ADAMTSL1: variants seen among roughly 807,000 people sequenced by gnomAD.
ADAMTSL1 encodes ADAMTS like 1, also known as ADAMTS-like protein 1.
ADAMTSL1 carries 126 observed loss-of-function variants against 201.8 expected under a neutral mutation model. The ratio of observed to expected loss-of-function variants is 0.62; its 90% CI spans 0.54 to 0.72. ADAMTSL1 has a LOEUF of 0.72. Ranked by LOEUF, ADAMTSL1 falls within the 30% of genes least tolerant of loss-of-function variation. ADAMTSL1 has a pLI of 0.00. For missense variants in ADAMTSL1, 2,679 were observed against 2,277.8 expected (o/e 1.18, Z -3.59); for synonymous variants, 1,121 against 903.4 (o/e 1.24, Z -4.32).
At chr9:18,431,591 A>G (rs1366696642) in intron 2 of ADAMTSL1, among the ~76,000 whole-genome samples, 1 of 152,154 alleles carries the variant, frequency 6.6e-6, no homozygotes, top group African/African-American at 2.4e-5. Flanking sequence ...TCAAAGCTGG[A>G]ATCCTCTTTG....
intron 15 of ADAMTSL1, among the ~76,000 whole-genome samples, chr9:18,728,744 C>T (rs1818047197): frequency 5.3e-5 from 8 of 152,250 alleles, no homozygotes; most frequent in Middle Eastern, 6.8e-3. Flanking sequence ...AGAAGGAAAA[C>T]CATGAGCACA....
chr9:18,298,457 C>A (rs1185081029), intron 2 of ADAMTSL1, among the ~76,000 whole-genome samples: 1 of 152,152 alleles, frequency 6.6e-6, no homozygotes, highest in Non-Finnish European at 1.5e-5. Flanking sequence ...AAAGCACTGA[C>A]TGAATTTTGA....
At chr9:18,458,690 T>C (rs7032393) in intron 2 of ADAMTSL1, among the ~76,000 whole-genome samples, 54,002 of 152,040 alleles carry the variant, frequency 0.36, 11,270 homozygotes, top group East Asian at 0.55. Flanking sequence ...ATCCAGGCAG[T>C]GCTCAGTCAG....
intron 1 of ADAMTSL1, among the ~76,000 whole-genome samples, chr9:18,160,414 T>A (rs1587189819): frequency 6.6e-6 from 1 of 151,994 alleles, no homozygotes; most frequent in Non-Finnish European, 1.5e-5. Context: ...TGGCCCCTAA[T>A]CCTAACATAG....
chr9:17,931,704 A>G (rs1162163488), intron 1 of ADAMTSL1, among the ~76,000 whole-genome samples: 1 of 152,056 alleles, frequency 6.6e-6, no homozygotes, highest in East Asian at 1.9e-4. Context: ...CATTTATCAG[A>G]AAGTTGTGGC....
At chr9:18,286,244 C>T (rs187154915) in intron 2 of ADAMTSL1, among the ~76,000 whole-genome samples, 1 of 152,162 alleles carries the variant, frequency 6.6e-6, no homozygotes, top group East Asian at 1.9e-4. Flanking sequence ...AAACAGAAAC[C>T]TAGTTATGAT....
At chr9:18,377,067 T>C (rs946832900) in intron 2 of ADAMTSL1, among the ~76,000 whole-genome samples, 1 of 152,230 alleles carries the variant, frequency 6.6e-6, no homozygotes, top group East Asian at 1.9e-4. Context: ...GATAGAGTTT[T>C]CTTCAAATTT....
intron 1 of ADAMTSL1, among the ~76,000 whole-genome samples, chr9:18,017,564 G>A (rs7027669): frequency 0.48 from 73,564 of 151,686 alleles, 20,436 homozygotes; most frequent in African/African-American, 0.78. Context: ...ATTTGGCTCC[G>A]AAGCCATGTA....
intron 2 of ADAMTSL1, among the ~76,000 whole-genome samples, chr9:18,220,475 T>G (rs1830214637): frequency 6.6e-6 from 1 of 152,142 alleles, no homozygotes; most frequent in African/African-American, 2.4e-5. Context: ...TTTTTAAAAT[T>G]TTTCAATACC....
intron 1 of ADAMTSL1, among the ~76,000 whole-genome samples, chr9:18,133,492 A>G (rs1437021235): frequency 2.0e-5 from 3 of 152,192 alleles, no homozygotes; most frequent in Non-Finnish European, 4.4e-5. Context: ...TCTGACAACT[A>G]AGTATTAAAC....
intron 23 of ADAMTSL1, among the ~76,000 whole-genome samples, chr9:18,837,926 C>G (rs910083887): frequency 6.6e-6 from 1 of 152,170 alleles, no homozygotes; most frequent in Non-Finnish European, 1.5e-5. Context: ...AGGATCACAT[C>G]TTTCCTACTG....
chr9:17,955,753 T>C (rs1344512225), intron 1 of ADAMTSL1, among the ~76,000 whole-genome samples: 1 of 152,192 alleles, frequency 6.6e-6, no homozygotes, highest in Non-Finnish European at 1.5e-5. Context: ...ATTATAGTTG[T>C]TAATCTCTTA....
At chr9:18,348,210 T>C (rs182707650) in intron 2 of ADAMTSL1, among the ~76,000 whole-genome samples, 5 of 152,322 alleles carry the variant, frequency 3.3e-5, no homozygotes, top group Non-Finnish European at 7.4e-5. Flanking sequence ...GAACTTTTAG[T>C]TAACTTGGAT....
chr9:18,289,126 T>C (rs1471621641), intron 2 of ADAMTSL1, among the ~76,000 whole-genome samples: 1 of 148,314 alleles, frequency 6.7e-6, no homozygotes, highest in Non-Finnish European at 1.5e-5. Flanking sequence ...TTGGTGTATA[T>C]ATATGTCTGT....
At position 18,682,996 on chromosome 9, in the gene ADAMTSL1, A is replaced by G. The variant is rs545423447; in HGVS notation, c.1489+1037A>G. ...ATAACATAAACAGGGTGGTTAACCTAGTGCCTGCAATATAGTAACTTCTAC... is the reference window on the plus strand; with the variant it reads ...ATAACATAAACAGGGTGGTTAACCTGGTGCCTGCAATATAGTAACTTCTAC... On this transcript the variant is annotated intron_variant, in intron 12 of 28. Coordinates refer to ENST00000380548, the MANE Select transcript of ADAMTSL1 (RefSeq NM_001040272.6). Among the ~76,000 whole-genome samples, 68 of 152,338 alleles carry G rather than the reference A, an allele frequency of 4.5e-4. No individual in the cohort carries two copies. In the Middle Eastern group the frequency reaches 0.01, roughly 23 times the overall value.
intron 15 of ADAMTSL1, among the ~76,000 whole-genome samples, chr9:18,728,578 A>G (rs1564187391): frequency 6.6e-6 from 1 of 152,212 alleles, no homozygotes; most frequent in Non-Finnish European, 1.5e-5. Flanking sequence ...TAATAGATGA[A>G]GAAGATTTAA....
chr9:18,902,438 A>T (rs1485439621), intron 26 of ADAMTSL1, among the ~76,000 whole-genome samples: 1 of 151,972 alleles, frequency 6.6e-6, no homozygotes, highest in Non-Finnish European at 1.5e-5. Flanking sequence ...AGGAAACTAG[A>T]AGTCAACAGC....
At position 18,317,930 on chromosome 9, in the gene ADAMTSL1, T is replaced by A. The variant is rs143873176; in HGVS notation, c.207+153949T>A. Among the ~76,000 whole-genome samples, 959 of 152,340 alleles carry A rather than the reference T, an allele frequency of 6.3e-3. 16 individuals carry two copies. Among genetic ancestry groups the A allele is most frequent in the Middle Eastern group, 6.8e-3 (2 of 294 alleles). ...CTTTAAGAAGTAAGCAGAACTGTTT[T>A]GTTTTCTGTGCTGCTTAGTGCAGGA... On this transcript the variant is annotated intron_variant, in intron 2 of 29. Transcript: ENST00000680146.
intron 14 of ADAMTSL1, among the ~76,000 whole-genome samples, chr9:18,710,611 G>C (rs1463962697): frequency 3.4e-5 from 5 of 145,406 alleles, no homozygotes; most frequent in Non-Finnish European, 4.5e-5. Flanking sequence ...TGTCTTTCTA[G>C]AAATGTAGCC....
Sources: allele counts gnomAD v4.1 joint callset (sites outside exome capture counted in the v4.1 genomes callset), GRCh38; gene constraint gnomAD v4.1.1; transcripts MANE v1.5; gene names NCBI Gene and HGNC (gene_info 2026-07-23, HGNC 2026-07-21).